Variants in MGLL observed in about 807,000 individuals in gnomAD.
MGLL encodes the protein monoglyceride lipase, also known as lysophospholipase homolog.
MGLL carries 7 observed loss-of-function variants against 29.1 expected under a neutral mutation model. That is an observed-to-expected ratio of 0.24 (90% CI 0.14 to 0.45). The LOEUF (loss-of-function observed/expected upper bound fraction) is 0.45, where lower values mean the gene tolerates loss of function less well. Among genes scored for constraint, MGLL ranks in the 20% least tolerant of loss-of-function variants. The pLI is 0.99. For missense variants in MGLL, 356 were observed against 413.6 expected (o/e 0.86, Z 1.21); for synonymous variants, 148 against 168.3 (o/e 0.88, Z 0.93).
intron 3 of MGLL, among the ~76,000 whole-genome samples, chr3:127,775,869 G>A (rs1420053143): frequency 6.6e-6 from 1 of 152,178 alleles, no homozygotes. Context: ...CTCCTGGGTG[G>A]GTCCATGTGT....
At position 127,736,840 on chromosome 3, in the gene MGLL, G is replaced by A. The variant is rs1427489039; in HGVS notation, c.263-14274C>T. ...TTCCCGAGTAACTGGGACCACAAGCGCATGTCACCACGCCTGGCTAATTTT... is the reference window on the plus strand; with the variant it reads ...TTCCCGAGTAACTGGGACCACAAGCACATGTCACCACGCCTGGCTAATTTT... On this transcript the variant is annotated intron_variant, in intron 3 of 7. Coordinates refer to ENST00000265052, the MANE Select transcript of MGLL (RefSeq NM_007283.7). Among the ~76,000 whole-genome samples, 5 of 152,142 alleles carry A rather than the reference G, an allele frequency of 3.3e-5. No homozygotes were observed. In the East Asian group the frequency reaches 7.7e-4, roughly 24 times the overall value.
intron 3 of MGLL, among the ~76,000 whole-genome samples, chr3:127,760,163 G>A (rs1038664094): frequency 6.6e-6 from 1 of 152,202 alleles, no homozygotes; most frequent in African/African-American, 2.4e-5. Context: ...CCATTTATGG[G>A]ACATTGAGTT....
At chr3:127,753,503 C>T (rs372438967) in intron 3 of MGLL, among the ~76,000 whole-genome samples, 9 of 152,328 alleles carry the variant, frequency 5.9e-5, no homozygotes, top group Admixed American at 3.9e-4. Context: ...TCACATTCCA[C>T]GGATTCTACC....
intron 3 of MGLL, among the ~76,000 whole-genome samples, chr3:127,731,428 G>A (rs1253507555): frequency 6.6e-6 from 1 of 151,714 alleles, no homozygotes; most frequent in Non-Finnish European, 1.5e-5. Context: ...GTGTCTCTAT[G>A]TATTAACTAT....
chr3:127,783,703 C>T (rs1355799570), intron 2 of MGLL: 2 of 152,284 alleles, frequency 1.3e-5, no homozygotes, highest in Non-Finnish European at 2.9e-5. Flanking sequence ...GAGGAATTTT[C>T]ACACCCTCTT....
At chr3:127,821,982 A>G (rs2077869716) in intron 1 of MGLL, 144 bp from the exon 2 acceptor site, 2 of 907,462 alleles carry the variant, frequency 2.2e-6, no homozygotes, top group East Asian at 2.6e-5. Flanking sequence ...TAAAACATAC[A>G]TACATTTCTT....
chr3:127,798,655 A>T (rs891208843), intron 2 of MGLL, among the ~76,000 whole-genome samples: 3 of 152,142 alleles, frequency 2.0e-5, no homozygotes, highest in Middle Eastern at 3.2e-3. Flanking sequence ...TCCCCCACTC[A>T]AATCTGTGCT....
At chr3:127,740,803 G>A (rs996055960) in intron 3 of MGLL, among the ~76,000 whole-genome samples, 2 of 152,254 alleles carry the variant, frequency 1.3e-5, no homozygotes, top group Admixed American at 6.5e-5. Context: ...GACGTAGTGT[G>A]GGGACCTCCC....
intron 2 of MGLL, among the ~76,000 whole-genome samples, chr3:127,792,187 A>G (rs1234537605): frequency 6.6e-6 from 1 of 152,250 alleles, no homozygotes; most frequent in African/African-American, 2.4e-5. Context: ...GCTTTCAGAT[A>G]CTTGTGTTAT....
intron 2 of MGLL, among the ~76,000 whole-genome samples, chr3:127,786,100 A>G (rs2077207465): frequency 6.6e-6 from 1 of 152,230 alleles, no homozygotes. Context: ...GGCTGGGTCC[A>G]CAGCCCCAGG....
At chr3:127,694,141 G>A (rs1264590469) in intron 7 of MGLL, among the ~76,000 whole-genome samples, 2 of 151,550 alleles carry the variant, frequency 1.3e-5, no homozygotes, top group Admixed American at 1.3e-4. Context: ...AGGGTGGCAG[G>A]CGCCTGTAAT....
At chr3:127,820,329 C>T (rs896471539) in intron 2 of MGLL, among the ~76,000 whole-genome samples, 8 of 152,116 alleles carry the variant, frequency 5.3e-5, no homozygotes, top group Admixed American at 1.3e-4. Context: ...CACCCGCAGG[C>T]GAAGGGAGGG....
upstream of MGLL, chr3:127,822,756 A>C (rs2077886509): frequency 5.3e-6 from 1 of 186,978 alleles, no homozygotes. Context: ...CCGACAGCAC[A>C]GGACACGTAG....
intron 5 of MGLL, among the ~76,000 whole-genome samples, chr3:127,717,011 C>G (rs1435428826): frequency 6.6e-6 from 1 of 152,160 alleles, no homozygotes; most frequent in Non-Finnish European, 1.5e-5. Flanking sequence ...TGGCAGGAGG[C>G]TTGCTAGGAA....
intron 3 of MGLL, among the ~76,000 whole-genome samples, chr3:127,756,332 C>T (rs2076663493): frequency 1.3e-5 from 2 of 152,152 alleles, no homozygotes; most frequent in Non-Finnish European, 2.9e-5. Flanking sequence ...AAAGGTCTTA[C>T]AGGGAAGCAC....
intron 5 of MGLL, 185 bp from the exon 6 acceptor site, chr3:127,710,850 A>T: frequency 3.2e-6 from 2 of 631,354 alleles, no homozygotes; most frequent in East Asian, 3.0e-5. Flanking sequence ...CTCAGCCTCT[A>T]TTCAGCCTGG....
chr3:127,778,385 C>A (rs576362496), intron 3 of MGLL, among the ~76,000 whole-genome samples: 2 of 152,340 alleles, frequency 1.3e-5, no homozygotes, highest in East Asian at 3.9e-4. Flanking sequence ...TTGCTCAGAG[C>A]CCTGGGGTCA....
intron 6 of MGLL, among the ~76,000 whole-genome samples, chr3:127,697,654 G>A (rs1028091110): frequency 2.0e-5 from 3 of 152,226 alleles, no homozygotes; most frequent in Non-Finnish European, 4.4e-5. Flanking sequence ...TAGAAAGCAG[G>A]CAGGGGCTGT....
chr3:127,800,841 G>A (rs1268505966), intron 2 of MGLL, among the ~76,000 whole-genome samples: 2 of 152,192 alleles, frequency 1.3e-5, no homozygotes, highest in Admixed American at 6.5e-5. Context: ...TCTAAGCATT[G>A]TAGCCAACAA....
Sources: allele counts gnomAD v4.1 joint callset (sites outside exome capture counted in the v4.1 genomes callset), GRCh38; gene constraint gnomAD v4.1.1; transcripts MANE v1.5; gene names NCBI Gene and HGNC (gene_info 2026-07-23, HGNC 2026-07-21).